The following SPC25 variants were observed in gnomAD, a reference collection of about 807,000 sequenced individuals.
SPC25 encodes SPC25 component of NDC80 kinetochore complex.
In SPC25, 22 loss-of-function variants were observed where a neutral mutation model predicts 29.6. The observed-to-expected ratio is 0.74, with a 90% CI of 0.53 to 1.06. SPC25 has a LOEUF of 1.06. Among genes scored for constraint, SPC25 ranks in the 50% least tolerant of loss-of-function variants. The pLI is 0.00. For missense variants in SPC25, 230 were observed against 255.8 expected, an observed-to-expected ratio of 0.90 and a Z score of 0.69; for synonymous variants, 91 against 90.4, an observed-to-expected ratio of 1.01 and a Z score of -0.04.
intron 5 of SPC25, among the ~76,000 whole-genome samples, chr2:168,875,238 G>A (rs541890146): frequency 4.6e-5 from 7 of 152,260 alleles, no homozygotes; most frequent in Admixed American, 3.9e-4. Context: ...CAAACACTAT[G>A]TAAACAGATG....
chr2:168,876,044 T>C, intron 5 of SPC25, 28 bp downstream of exon 5: 2 of 1,303,598 alleles, frequency 1.5e-6, no homozygotes, highest in Non-Finnish European at 2.1e-6. Context: ...TGTAATCTCC[T>C]ATATTTTATT....
intron 5 of SPC25, among the ~76,000 whole-genome samples, chr2:168,875,303 A>T (rs1334605083): frequency 6.6e-6 from 1 of 152,182 alleles, no homozygotes; most frequent in Admixed American, 6.5e-5. Flanking sequence ...AGTCAAAAAC[A>T]TTGTAAGGCA....
chr2:168,863,764 G>C (rs1408436190), intron 4 of SPC25: 1 of 562,124 alleles, frequency 1.8e-6, no homozygotes, highest in Non-Finnish European at 2.3e-6. Context: ...CATACTTATA[G>C]CAGCCAACAC....
chr2:168,864,812 TTGTCTAAC>T (rs1689752501), intron 4 of SPC25: 1 of 1,613,082 alleles, frequency 6.2e-7, no homozygotes, highest in Non-Finnish European at 8.5e-7. Flanking sequence ...AGAGACCCAT[TTGTCTAAC>T]TGTATTTTCA....
chr2:168,862,819 C>T lies in SPC25; in HGVS notation n.419+10766G>A, dbSNP rs16856065. Among the ~76,000 whole-genome samples, 751 of 152,170 alleles carry T rather than the reference C, an allele frequency of 4.9e-3. 9 individuals are homozygous for T. The East Asian group carries it at 0.055, about 11-fold the overall frequency. Reference sequence around the variant, plus strand: ...TAGCGCTAATGCAGAGATCTGGAAACGGAAGGGTTAGTGAGAAAGAGTAAC... The same window carrying T: ...TAGCGCTAATGCAGAGATCTGGAAATGGAAGGGTTAGTGAGAAAGAGTAAC... On this transcript the variant is annotated intron_variant and non_coding_transcript_variant, in intron 4 of 4. Coordinates refer to the SPC25 transcript ENST00000479309.
At chr2:168,864,923 G>A (rs1223332918) in intron 4 of SPC25, 6 of 1,614,138 alleles carry the variant, frequency 3.7e-6, no homozygotes, top group Non-Finnish European at 4.2e-6. Context: ...TGCCGCTTAT[G>A]TGGAGGAGTT....
chr2:168,870,232 T>C (rs199693018), downstream of SPC25, among the ~76,000 whole-genome samples: 1,680 of 139,230 alleles, frequency 0.012, 21 homozygotes, highest in African/African-American at 0.039. Context: ...ACTTACATGT[T>C]AGACCTAAAA....
chr2:168,883,932 A>G (rs778474419), intron 3 of SPC25, among the ~76,000 whole-genome samples: 1 of 152,084 alleles, frequency 6.6e-6, no homozygotes, highest in Non-Finnish European at 1.5e-5. Context: ...CACCACGCCC[A>G]GCTAATTTTT....
At chr2:168,877,886 T>G (rs1280244813) in intron 3 of SPC25, among the ~76,000 whole-genome samples, 1 of 151,938 alleles carries the variant, frequency 6.6e-6, no homozygotes, top group East Asian at 1.9e-4. Context: ...TTTTTAAATT[T>G]TTTTGTCTCA....
chr2:168,883,771 T>A (rs1690214330), intron 3 of SPC25, among the ~76,000 whole-genome samples: 2 of 145,878 alleles, frequency 1.4e-5, no homozygotes, highest in African/African-American at 5.4e-5. Context: ...TGACCATTTT[T>A]TTTTCTTTTT....
intron 3 of SPC25, among the ~76,000 whole-genome samples, chr2:168,886,097 A>G (rs1320951550): frequency 1.6e-5 from 2 of 121,772 alleles, no homozygotes; most frequent in African/African-American, 3.3e-5. Context: ...TCTGTCGCCC[A>G]GGCTGGAGTG....
chr2:168,863,710 T>C, intron 4 of SPC25: 2 of 922,862 alleles, frequency 2.2e-6, no homozygotes, highest in Non-Finnish European at 2.6e-6. Flanking sequence ...TCAGGGATAA[T>C]GCAGAGACAT....
intron 3 of SPC25, among the ~76,000 whole-genome samples, chr2:168,886,771 A>G (rs1574365810): frequency 3.3e-5 from 5 of 152,266 alleles, no homozygotes; most frequent in Admixed American, 1.3e-4. Flanking sequence ...CGCCCGCCTC[A>G]GCCTCCCAAA....
At chr2:168,889,886 C>G (rs1330923974) in intron 1 of SPC25, among the ~76,000 whole-genome samples, 2 of 152,152 alleles carry the variant, frequency 1.3e-5, no homozygotes, top group Admixed American at 1.3e-4. Flanking sequence ...TCAGGATAGC[C>G]AGGTGGCCGG....
rs1178629761 is a variant in SPC25, at chr2:168,871,511, C to G, written c.595G>C (p.Glu199Gln). 6.2e-7 allele frequency: 1 copy of G among 1,608,058 alleles called. No individual in the cohort carries two copies. The highest frequency in any genetic ancestry group is 2.2e-5 in the East Asian group (1 of 44,656). The change falls in exon 7 of 7, where the codon GAG (glutamate) becomes CAG (glutamine). Residue 199 changes from glutamate (E) to glutamine (Q), a missense_variant. Coordinates refer to ENST00000282074, the MANE Select transcript of SPC25 (RefSeq NM_020675.4). ...AAATTGTTGGTCTTCCTTACATTCT[C>G]TTGAAATTCTGCTAGGCCCTCAAGA... ...PHLEGLAEFQENVRKTNNFSA... is the reference protein window; with the variant it reads ...PHLEGLAEFQQNVRKTNNFSA...
downstream of SPC25, among the ~76,000 whole-genome samples, chr2:168,869,818 G>C (rs1320311598): frequency 2.0e-5 from 3 of 152,100 alleles, no homozygotes; most frequent in African/African-American, 7.2e-5. Context: ...TCCCCATCAA[G>C]CTACCAATGA....
At chr2:168,864,921 A>ATGTGGAGGAGTTACCTTCAAAT (rs779475008) in intron 4 of SPC25, 1 of 1,614,144 alleles carries the variant, frequency 6.2e-7, no homozygotes, top group East Asian at 2.2e-5. Context: ...CCTGCCGCTT[A>ATGTGGAGGAGTTACCTTCAAAT]TGTGGAGGAG....
intron 4 of SPC25, chr2:168,863,404 A>C (rs1689606970): frequency 1.0e-6 from 1 of 984,688 alleles, no homozygotes; most frequent in African/African-American, 1.7e-5. Flanking sequence ...AAAAGAGTGA[A>C]AGGAAGACTG....
rs267598992 is a variant in SPC25 at position 168,889,226 on chromosome 2, G to T, written c.199C>A (p.Gln67Lys). 1 of 1,609,556 alleles carries T rather than the reference G, an allele frequency of 6.2e-7. No individual in the cohort carries two copies. The highest frequency in any genetic ancestry group is 2.2e-5 in the East Asian group (1 of 44,802). ...MVEMFLEYQN[Q>K]ISRQNKLIQE... ...CCATGATTTATACTTTTTCACATACGATTTTGATATTCCAGAAACATCTCA... is the reference window on the plus strand; with the variant it reads ...CCATGATTTATACTTTTTCACATACTATTTTGATATTCCAGAAACATCTCA... Residue 67 changes from glutamine to lysine, a missense_variant and splice_region_variant, in exon 3 of 7, where the codon CAG becomes AAG. Physicochemically the swap from Gln to Lys is moderately conservative, Grantham distance 53 (BLOSUM62 1). Transcript: ENST00000282074.
Sources: gnomAD v4.1 joint callset for allele counts (sites outside exome capture counted in the v4.1 genomes callset) on GRCh38, gnomAD v4.1.1 for gene constraint, MANE v1.5 for transcripts, NCBI Gene and HGNC (gene_info 2026-07-23, HGNC 2026-07-21) for gene names.